Variants in CST2 observed in about 807,000 individuals in gnomAD.
The protein encoded by CST2 is cystatin-SA.
In CST2, 26 loss-of-function variants were observed where a neutral mutation model predicts 13.4. That is an observed-to-expected ratio of 1.95 (90% confidence interval 1.43 to 2.70). CST2 has a LOEUF of 2.70. Ranked by LOEUF, CST2 falls within the 30% of genes most tolerant of loss-of-function variation. The pLI is 0.00. For missense variants in CST2, 243 were observed against 173.4 expected (o/e 1.40, Z -2.25); for synonymous variants, 105 against 71.1 (o/e 1.48, Z -2.40).
At position 23,823,971 on chromosome 20, in the gene CST2, C is replaced by T. The variant is rs767229573; in HGVS notation, c.*49G>A. 2.5e-6 allele frequency: 4 copies of T among 1,600,764 alleles called. No individual in the cohort carries two copies. The South Asian group carries it at 3.3e-5, about 13-fold the overall frequency. On this transcript the variant is annotated 3_prime_UTR_variant, in exon 3 of 3. Coordinates refer to ENST00000304725, the MANE Select transcript of CST2 (RefSeq NM_001322.3). ...CACCAGTCCAGGGGTGGGAGCACTA[C>T]AAGGGGTGGGAGTAGGAGGTGGTCA...
In CST2 at chr20:23,826,425, G is replaced by A; in HGVS notation, c.228+8C>T. 1.2e-6 allele frequency: 2 copies of A among 1,613,244 alleles called. No individual in the cohort carries two copies. Among genetic ancestry groups the A allele is most frequent in the Non-Finnish European group, 1.7e-6 (2 of 1,179,362 alleles). On this transcript the variant is annotated splice_region_variant and intron_variant, in intron 1 of 2. Transcript: ENST00000304725. ...ACTCAGGACCCCTCAGGTGGAGGCA[G>A]CACCCACCTGCTCCCTGGCTCGTAG...
chr20:23,824,209 A>G, intron 2 of CST2, 106 bp from the exon 3 acceptor site: 2 of 1,145,634 alleles, frequency 1.7e-6, no homozygotes, highest in Non-Finnish European at 2.6e-6. Context: ...GAGGTGAGAC[A>G]CTGGGCCCTC....
At chr20:23,824,416 C>T (rs73316680) in intron 2 of CST2, among the ~76,000 whole-genome samples, 1 of 152,234 alleles carries the variant, frequency 6.6e-6, no homozygotes, top group African/African-American at 2.4e-5. Context: ...GGGGAGGTGG[C>T]TCACTTCCCC....
chr20:23,825,177 A>G (rs1984790801), intron 2 of CST2, 33 bp downstream of exon 2: 5 of 1,613,610 alleles, frequency 3.1e-6, no homozygotes, highest in Admixed American at 1.7e-5. Flanking sequence ...TCTGCAGTGC[A>G]TGACTGGCCT....
At chr20:23,824,506 C>CA (rs911361726) in intron 2 of CST2, among the ~76,000 whole-genome samples, 67 of 152,260 alleles carry the variant, frequency 4.4e-4, no homozygotes, top group African/African-American at 1.6e-3. Context: ...AACTCCGCCT[C>CA]AAAGAGCTGG....
At chr20:23,824,970 G>C (rs1049007004) in intron 2 of CST2, among the ~76,000 whole-genome samples, 6 of 151,950 alleles carry the variant, frequency 3.9e-5, no homozygotes, top group African/African-American at 1.2e-4. Flanking sequence ...AGGCACACAT[G>C]CTCCCATACA....
In CST2 at chr20:23,825,298, A is replaced by C. The variant is rs1358977541; in HGVS notation, c.254T>G (p.Phe85Cys). The part of the protein sequence containing the change: ...EQIVGGVNYF[F>C]DIEVGRTICT... ...TATGGTTCGGCCCACCTCTATGTCG[A>C]AGAAGTAATTCACCCCGCCCACGAT... Residue 85 changes from phenylalanine (F) to cysteine (C), a missense_variant, in exon 2 of 3, where the codon TTC becomes TGC. Physicochemically the swap from Phe to Cys is radical, Grantham distance 205. Transcript: ENST00000304725. The C allele has an allele frequency of 2.7e-6, 4 of 1,491,648 alleles. No individual in the cohort carries two copies. The highest frequency in any genetic ancestry group is 3.6e-6 in the Non-Finnish European group (4 of 1,117,472). The allele number at this position is 1,491,648 out of a possible 1,614,324, so 92.4% of individuals were successfully genotyped here.
In CST2 at chr20:23,823,771, T is replaced by G. The variant is rs921136410; in HGVS notation, c.*249A>C. The G allele has an allele frequency of 2.5e-5, 13 of 513,544 alleles. No homozygotes were observed. Among genetic ancestry groups the G allele is most frequent in the African/African-American group, 1.9e-4 (10 of 52,402 alleles). 31.8% of individuals were successfully genotyped at this position (513,544 alleles called of 1,614,324 possible). A position where few individuals can be genotyped will look rare whatever the true frequency, so the allele number is the denominator to read the frequency against. On this transcript the variant is annotated 3_prime_UTR_variant, in exon 3 of 3. Transcript: ENST00000304725. Reference sequence around the variant, plus strand: ...AGACAGCCAAGAACTCAGAGGGAGGTGATGCTACTGTTTAATTGCAGGAGG... The same window carrying G: ...AGACAGCCAAGAACTCAGAGGGAGGGGATGCTACTGTTTAATTGCAGGAGG...
intron 2 of CST2, among the ~76,000 whole-genome samples, 182 bp from the exon 3 acceptor site, chr20:23,824,285 CA>C (rs145308471): frequency 0.11 from 16,327 of 152,108 alleles, 1,364 homozygotes; most frequent in African/African-American, 0.24. Context: ...TTGCCCCTCC[CA>C]AGGCTCCAAG....
At position 23,825,225 on chromosome 20, in the gene CST2, C is replaced by G. The variant is rs764030878; in HGVS notation, c.327G>C (p.Gln109His). The change falls in exon 2 of 3, where the codon CAG becomes CAC. Residue 109 changes from glutamine to histidine, a missense_variant. Physicochemically the swap from Gln to His is conservative, Grantham distance 24. Coordinates refer to ENST00000304725, the MANE Select transcript of CST2 (RefSeq NM_001322.3). ...PNLDTCAFHE[Q>H]PELQKKQLCS... The stretch of plus-strand genomic sequence containing the variant: ...AGGAACGTACCTTCTGCAGTTCTGG[C>G]TGTTCATGGAAGGCACAGGTGTCCA... 6.2e-7 allele frequency: 1 copy of G among 1,614,184 alleles called. No individual in the cohort carries two copies. The highest frequency in any genetic ancestry group is 8.5e-7 in the Non-Finnish European group (1 of 1,180,022).
chr20:23,824,152 G>A (rs375759788), intron 2 of CST2, 49 bp from the exon 3 acceptor site: 14 of 1,590,654 alleles, frequency 8.8e-6, no homozygotes, highest in African/African-American at 1.3e-5. Context: ...ACAGTTAAAG[G>A]GGAAGTCACC....
chr20:23,824,525 G>A (rs1331562025), intron 2 of CST2, among the ~76,000 whole-genome samples: 2 of 152,164 alleles, frequency 1.3e-5, no homozygotes, highest in Non-Finnish European at 2.9e-5. Context: ...GGGGCATGGG[G>A]CAATGGTAAC....
intron 1 of CST2, 33 bp downstream of exon 1, chr20:23,826,400 A>G (rs748420949): frequency 1.9e-6 from 3 of 1,587,790 alleles, no homozygotes; most frequent in African/African-American, 2.7e-5. Flanking sequence ...CAAGGCTGGG[A>G]CTCAGGACCC....
At position 23,825,255 on chromosome 20, in the gene CST2, G is replaced by C. The variant is rs773764989; in HGVS notation, c.297C>G (p.Pro99=). ...CATGGAAGGCACAGGTGTCCAAGTTGGGCTGGGACTTGGTACATATGGTTC... is the reference window on the plus strand; with the variant it reads ...CATGGAAGGCACAGGTGTCCAAGTTCGGCTGGGACTTGGTACATATGGTTC... ...VGRTICTKSQ[P]NLDTCAFHEQ... Residue 99 remains proline (P), a synonymous_variant, in exon 2 of 3, where the codon CCC becomes CCG. Transcript: ENST00000304725. 20 of 1,614,064 alleles carry C rather than the reference G, an allele frequency of 1.2e-5. No homozygotes were observed. The South Asian group carries it at 2.2e-4, about 18-fold the overall frequency.
At chr20:23,825,617 C>T (rs1303815596) in intron 1 of CST2, among the ~76,000 whole-genome samples, 1 of 152,216 alleles carries the variant, frequency 6.6e-6, no homozygotes, top group Non-Finnish European at 1.5e-5. Context: ...GTCAGTTTAC[C>T]CATGTATAAA....
At chr20:23,826,076 G>A (rs1400496383) in intron 1 of CST2, among the ~76,000 whole-genome samples, 2 of 152,192 alleles carry the variant, frequency 1.3e-5, no homozygotes, top group Non-Finnish European at 2.9e-5. Context: ...GAGGGTGAAG[G>A]CCATTAGCCC....
intron 2 of CST2, 125 bp downstream of exon 2, chr20:23,825,073 TATACATCCATGC>T (rs1282637307): frequency 7.3e-6 from 9 of 1,238,290 alleles, no homozygotes; most frequent in Non-Finnish European, 7.0e-6. Flanking sequence ...CATGAACATG[TATACATCCATGC>T]ATACATGACT....
At position 23,824,099 on chromosome 20, in the gene CST2, T is replaced by A; in HGVS notation, c.347A>T (p.Gln116Leu). ...FHEQPELQKK[Q>L]LCSFQIYEVP... ...TTCGTAGATCTGGAAAGAGCACAAC[T>A]GTTTCTGTGAAAGGGAAGAGAGAGG... Residue 116 changes from glutamine to leucine, a missense_variant, in exon 3 of 3, where the codon CAG (glutamine) becomes CTG (leucine). Transcript: ENST00000304725. 1.2e-6 allele frequency: 2 copies of A among 1,614,004 alleles called. No individual in the cohort carries two copies. The highest frequency in any genetic ancestry group is 8.5e-7 in the Non-Finnish European group (1 of 1,179,906).
At position 23,826,542 on chromosome 20, in the gene CST2, T is replaced by C. The variant is rs776106791; in HGVS notation, c.119A>G (p.Asn40Ser). 8 of 1,614,178 alleles carry C rather than the reference T, an allele frequency of 5.0e-6. No homozygotes were observed. Among genetic ancestry groups the C allele is most frequent in the Admixed American group, 1.7e-5 (1 of 60,034 alleles). Reference protein sequence around the residue: ...IEGGIYDADLNDERVQRALHF... With the variant: ...IEGGIYDADLSDERVQRALHF... ...AAGGGCACGCTGTACCCGCTCATCA[T>C]TGAGGTCTGCATCATAGATGCCACC... The change falls in exon 1 of 3, where the codon AAT becomes AGT. Residue 40 changes from asparagine to serine, a missense_variant. Transcript: ENST00000304725.
Sources: allele counts gnomAD v4.1 joint callset (sites outside exome capture counted in the v4.1 genomes callset), GRCh38; gene constraint gnomAD v4.1.1; transcripts MANE v1.5; gene names NCBI Gene and HGNC (gene_info 2026-07-23, HGNC 2026-07-21).